Variants in SERINC5 observed in about 807,000 individuals in gnomAD.
The protein encoded by SERINC5 is serine incorporator 5, also known as chromosome 5 open reading frame 12.
In SERINC5, 41 loss-of-function variants were observed where a neutral mutation model predicts 63.1. The observed-to-expected ratio is 0.65, with a 90% CI of 0.51 to 0.84. SERINC5 has a LOEUF of 0.84. Among genes scored for constraint, SERINC5 ranks in the 40% least tolerant of loss-of-function variants. The pLI is 0.00. For synonymous variants in SERINC5, 222 were observed against 215.2 expected, an observed-to-expected ratio of 1.03 and a Z score of -0.28; for missense variants, 523 against 573.0, an observed-to-expected ratio of 0.91 and a Z score of 0.89.
chr5:80,180,077 T>C (rs540935178), intron 2 of SERINC5, among the ~76,000 whole-genome samples: 1 of 152,274 alleles, frequency 6.6e-6, no homozygotes, highest in South Asian at 2.1e-4. Flanking sequence ...CCACTGGAGC[T>C]CTTTATTAGT....
chr5:80,116,407 A>C (rs1026166975), intron 11 of SERINC5: 1 of 449,240 alleles, frequency 2.2e-6, no homozygotes, highest in Non-Finnish European at 4.4e-6. Flanking sequence ...CAGGCCATCC[A>C]GATCACTATG....
rs763541048 is a variant in SERINC5 at position 80,158,971 on chromosome 5, G to T, written c.860-9C>A. On this transcript the variant is annotated splice_polypyrimidine_tract_variant and intron_variant, in intron 7 of 11. Coordinates refer to ENST00000507668, the MANE Select transcript of SERINC5 (RefSeq NM_001174072.3). ...CCCATGTTCATCTAGAACTTGAAAA[G>T]AAAAAACAAAGTCATCACAGTCAAG... 2 of 1,612,740 alleles carry T rather than the reference G, an allele frequency of 1.2e-6. No individual in the cohort carries two copies. Among genetic ancestry groups the T allele is most frequent in the Non-Finnish European group, 8.5e-7 (1 of 1,179,640 alleles).
chr5:80,254,889 CCA>C (rs550163119), intron 1 of SERINC5, among the ~76,000 whole-genome samples: 105 of 152,272 alleles, frequency 6.9e-4, no homozygotes, highest in Non-Finnish European at 1.4e-3. Flanking sequence ...TTACAGAAAC[CCA>C]CAGTTTAACC....
intron 1 of SERINC5, among the ~76,000 whole-genome samples, chr5:80,226,073 T>G (rs777423277): frequency 6.6e-6 from 1 of 150,520 alleles, no homozygotes; most frequent in Non-Finnish European, 1.5e-5. Flanking sequence ...CTGCCTTTTG[T>G]TTGAGACAGT....
chr5:80,116,275 G>A (rs907509584), intron 11 of SERINC5: 1 of 455,384 alleles, frequency 2.2e-6, no homozygotes, highest in South Asian at 1.6e-5. Flanking sequence ...ATCCCCTCTT[G>A]CAAAAAGGGT....
At chr5:80,132,266 C>G (rs565599251) in intron 11 of SERINC5, among the ~76,000 whole-genome samples, 2 of 152,120 alleles carry the variant, frequency 1.3e-5, no homozygotes, top group Admixed American at 6.6e-5. Context: ...GGAGTAGGCA[C>G]GAGACCCCAC....
intron 1 of SERINC5, among the ~76,000 whole-genome samples, chr5:80,241,477 TAAG>T (rs1186280927): frequency 8.6e-5 from 13 of 151,552 alleles, no homozygotes; most frequent in East Asian, 1.9e-4. Flanking sequence ...CAAATAATAA[TAAG>T]AAGAAGAAAT....
chr5:80,179,640 A>G (rs1262485935), intron 2 of SERINC5, among the ~76,000 whole-genome samples: 2 of 152,176 alleles, frequency 1.3e-5, no homozygotes, highest in Admixed American at 1.3e-4. Context: ...AATGCTTGGG[A>G]CCAGAAGTCT....
At chr5:80,116,915 G>C (rs538254170) in intron 11 of SERINC5, among the ~76,000 whole-genome samples, 1 of 151,396 alleles carries the variant, frequency 6.6e-6, no homozygotes, top group Non-Finnish European at 1.5e-5. Context: ...TGCAACCTCT[G>C]ACTCCCAGGT....
At chr5:80,220,305 G>A (rs1173567996) in intron 1 of SERINC5, among the ~76,000 whole-genome samples, 2 of 151,960 alleles carry the variant, frequency 1.3e-5, no homozygotes, top group Non-Finnish European at 1.5e-5. Flanking sequence ...AAAATTACAA[G>A]GCAGAAGTCT....
At chr5:80,118,116 T>C (rs1350955727) in intron 11 of SERINC5, among the ~76,000 whole-genome samples, 2 of 151,942 alleles carry the variant, frequency 1.3e-5, no homozygotes, top group Non-Finnish European at 2.9e-5. Flanking sequence ...GGCAAGAGAA[T>C]TGCTTGAAAC....
chr5:80,192,558 G>A (rs1232466677), intron 2 of SERINC5, among the ~76,000 whole-genome samples: 1 of 152,116 alleles, frequency 6.6e-6, no homozygotes, highest in Non-Finnish European at 1.5e-5. Context: ...CATCTCTGCG[G>A]CTCAGAAGCC....
At position 80,142,471 on chromosome 5, in the gene SERINC5, T is replaced by A; in HGVS notation, c.*1192A>T. 1.0e-6 allele frequency: 1 copy of A among 983,782 alleles called. No homozygotes were observed. Among genetic ancestry groups the A allele is most frequent in the African/African-American group, 1.7e-5 (1 of 57,304 alleles). The allele number at this position is 983,782 out of a possible 1,614,324, so 60.9% of individuals were successfully genotyped here. ...TGGTCTTGCAACTCCTGACCTCAAG[T>A]GATCCGCCTGCCTCTGCGCACCTCT... On this transcript the variant is annotated 3_prime_UTR_variant, in exon 12 of 12. Coordinates refer to ENST00000507668, the MANE Select transcript of SERINC5 (RefSeq NM_001174072.3).
intron 1 of SERINC5, among the ~76,000 whole-genome samples, chr5:80,209,281 G>A (rs1439352306): frequency 1.3e-5 from 2 of 152,176 alleles, no homozygotes; most frequent in East Asian, 1.9e-4. Flanking sequence ...AACGAAAAAG[G>A]TATTTAAAAG....
intron 2 of SERINC5, among the ~76,000 whole-genome samples, chr5:80,188,866 T>A (rs1561409059): frequency 6.6e-6 from 1 of 152,134 alleles, no homozygotes. Context: ...AGGTTGAGGC[T>A]GCAGTGAGCC....
rs901128419 is a variant in SERINC5 at position 80,203,050 on chromosome 5, C to A, written c.31G>T (p.Ala11Ser). 1 of 1,603,246 alleles carries A rather than the reference C, an allele frequency of 6.2e-7. No individual in the cohort carries two copies. Residue 11 changes from alanine to serine, a missense_variant, in exon 2 of 12, where the codon GCC (alanine) becomes TCC (serine). By Grantham distance (99) the Ala-to-Ser change is moderately conservative. Coordinates refer to ENST00000507668, the MANE Select transcript of SERINC5 (RefSeq NM_001174072.3). Reference sequence around the variant, plus strand: ...CAGCCTGCAGACCCACAGCAGCAGGCCAGCTAGAAAAGGAACAGAAGGCAT... The same window carrying A: ...CAGCCTGCAGACCCACAGCAGCAGGACAGCTAGAAAAGGAACAGAAGGCAT... MSAQCCAGQL[A>S]CCCGSAGCSL...
chr5:80,201,432 T>C (rs1297261018), intron 2 of SERINC5, among the ~76,000 whole-genome samples: 7 of 152,208 alleles, frequency 4.6e-5, no homozygotes, highest in African/African-American at 1.7e-4. Context: ...AAGTCTGCCC[T>C]TCCCGGGCAC....
chr5:80,185,956 A>T (rs1748771116), intron 2 of SERINC5, among the ~76,000 whole-genome samples: 1 of 151,932 alleles, frequency 6.6e-6, no homozygotes, highest in African/African-American at 2.4e-5. Context: ...GCCTGACATT[A>T]TATAAAAATA....
At chr5:80,192,864 C>A (rs73128075) in intron 2 of SERINC5, among the ~76,000 whole-genome samples, 6,346 of 152,218 alleles carry the variant, frequency 0.042, 454 homozygotes, top group African/African-American at 0.15. Flanking sequence ...TGAGTTACCA[C>A]GTGACTCCGA....
Sources: allele counts gnomAD v4.1 joint callset (sites outside exome capture counted in the v4.1 genomes callset), GRCh38; gene constraint gnomAD v4.1.1; transcripts MANE v1.5; gene names NCBI Gene and HGNC (gene_info 2026-07-23, HGNC 2026-07-21).